GPC5: variants seen among roughly 807,000 people sequenced by gnomAD.
GPC5 encodes glypican-5.
In GPC5, 47 loss-of-function variants were observed where a neutral mutation model predicts 53.9. That is an observed-to-expected ratio of 0.87 (90% CI 0.69 to 1.11). GPC5 has a LOEUF of 1.11. Ranked by LOEUF, GPC5 falls within the 50% of genes most tolerant of loss-of-function variation. The probability of loss-of-function intolerance (pLI) is 0.00; values close to 1 mark genes in which losing one functional copy is unlikely to be tolerated. For missense variants in GPC5, 748 were observed against 713.1 expected (o/e 1.05, Z -0.56); for synonymous variants, 286 against 263.3 (o/e 1.09, Z -0.84).
chr13:91,550,225 A>C (rs1287640461), intron 2 of GPC5, among the ~76,000 whole-genome samples: 2 of 152,136 alleles, frequency 1.3e-5, no homozygotes, highest in Non-Finnish European at 2.9e-5. Context: ...GAGGGGTTGC[A>C]GGGATTTTGG....
At chr13:92,644,146 A>G (rs2096857429) in intron 7 of GPC5, among the ~76,000 whole-genome samples, 1 of 152,190 alleles carries the variant, frequency 6.6e-6, no homozygotes, top group South Asian at 2.1e-4. Context: ...AGCTTGAAGC[A>G]ATCTCATCTA....
intron 5 of GPC5, among the ~76,000 whole-genome samples, chr13:91,883,401 T>G (rs2039288233): frequency 6.6e-6 from 1 of 152,328 alleles, no homozygotes; most frequent in Non-Finnish European, 1.5e-5. Flanking sequence ...ACCTATTTTT[T>G]GACGAGAAGA....
chr13:92,149,376 G>C (rs1047555631), intron 7 of GPC5, among the ~76,000 whole-genome samples: 6 of 152,014 alleles, frequency 3.9e-5, no homozygotes, highest in African/African-American at 1.2e-4. Context: ...AGGCTTATTG[G>C]AACAGAAAGT....
intron 7 of GPC5, among the ~76,000 whole-genome samples, chr13:92,715,288 T>G (rs1459720924): frequency 6.6e-6 from 1 of 152,198 alleles, no homozygotes; most frequent in Non-Finnish European, 1.5e-5. Context: ...CTAGAAGTAC[T>G]ATTTATAGAC....
intron 7 of GPC5, among the ~76,000 whole-genome samples, chr13:92,169,010 C>T (rs1243541966): frequency 1.3e-5 from 2 of 152,094 alleles, no homozygotes; most frequent in East Asian, 3.9e-4. Flanking sequence ...TAAAAAGGAA[C>T]AAGATCATGT....
In GPC5 at chr13:92,087,430, T is replaced by C. The variant is rs1594757849; in HGVS notation, c.1402-57400T>C. Among the ~76,000 whole-genome samples the C allele has an allele frequency of 2.0e-5, 3 of 152,318 alleles. No homozygotes were observed. The South Asian group carries it at 6.2e-4, about 32-fold the overall frequency. On this transcript the variant is annotated intron_variant, in intron 6 of 7. Transcript: ENST00000377067. ...ATTTAATAAATATTTATCATCTAAG[T>C]GGATTAGTTACCCTCCATTATCTTC...
At chr13:92,408,190 C>T (rs1395601378) in intron 7 of GPC5, among the ~76,000 whole-genome samples, 2 of 152,160 alleles carry the variant, frequency 1.3e-5, no homozygotes, top group Non-Finnish European at 1.5e-5. Flanking sequence ...AGGTTGTGTG[C>T]TCCTTATAAT....
intron 6 of GPC5, among the ~76,000 whole-genome samples, chr13:92,138,513 C>G (rs574258635): frequency 6.9e-6 from 1 of 145,824 alleles, no homozygotes; most frequent in Non-Finnish European, 1.5e-5. Context: ...GAGCCAGACT[C>G]CATCTCAAAA....
At chr13:92,696,272 CA>C (rs1330814132) in intron 7 of GPC5, among the ~76,000 whole-genome samples, 1 of 151,994 alleles carries the variant, frequency 6.6e-6, no homozygotes, top group African/African-American at 2.4e-5. Flanking sequence ...GGAATCATCC[CA>C]CTGTCTTCCA....
chr13:92,076,432 G>A (rs2041252913), intron 6 of GPC5, among the ~76,000 whole-genome samples: 1 of 152,000 alleles, frequency 6.6e-6, no homozygotes, highest in African/African-American at 2.4e-5. Context: ...TTGTTGAATT[G>A]TTTTAAATTT....
chr13:92,324,655 A>ATTGT (rs1555328172), intron 7 of GPC5, among the ~76,000 whole-genome samples: 1 of 103,546 alleles, frequency 9.7e-6, no homozygotes, highest in African/African-American at 6.6e-5. Context: ...ATGGCATATC[A>ATTGT]TTGGTACAGC....
intron 7 of GPC5, among the ~76,000 whole-genome samples, chr13:92,385,612 T>TATAC: frequency 1.4e-5 from 2 of 144,084 alleles, no homozygotes; most frequent in Admixed American, 1.4e-4. Context: ...TATACACATA[T>TATAC]ACATATACAT....
intron 5 of GPC5, among the ~76,000 whole-genome samples, chr13:91,818,212 T>A (rs2038430841): frequency 6.6e-6 from 1 of 152,184 alleles, no homozygotes; most frequent in Non-Finnish European, 1.5e-5. Flanking sequence ...ACCATATTTT[T>A]TCCTCCTAAG....
intron 2 of GPC5, among the ~76,000 whole-genome samples, chr13:91,459,454 C>T: frequency 6.8e-6 from 1 of 148,068 alleles, no homozygotes; most frequent in African/African-American, 2.5e-5. Flanking sequence ...CTTAGTGGGC[C>T]CTGGACATAG....
chr13:91,773,006 A>G (rs1187257549), intron 5 of GPC5, among the ~76,000 whole-genome samples: 1 of 152,176 alleles, frequency 6.6e-6, no homozygotes, highest in Non-Finnish European at 1.5e-5. Flanking sequence ...TCATGATATG[A>G]CTAATCTTAC....
chr13:91,975,440 C>T (rs1403758261), intron 6 of GPC5, among the ~76,000 whole-genome samples: 2 of 151,982 alleles, frequency 1.3e-5, no homozygotes, highest in Non-Finnish European at 2.9e-5. Context: ...AACAAACAAC[C>T]CCATCAAAAA....
At chr13:92,445,493 G>A (rs868821571) in intron 7 of GPC5, among the ~76,000 whole-genome samples, 1,616 of 112,566 alleles carry the variant, frequency 0.014, 37 homozygotes, top group African/African-American at 0.053. Flanking sequence ...AGTCCCCAGA[G>A]TGTGATGTTC....
intron 7 of GPC5, among the ~76,000 whole-genome samples, chr13:92,337,982 T>G (rs577193719): frequency 6.6e-6 from 1 of 152,174 alleles, no homozygotes; most frequent in African/African-American, 2.4e-5. Context: ...AATTAAAAAC[T>G]TCTGCTCCGT....
Position 92,497,618 on chromosome 13 carries a change from TG to T in GPC5, c.1561+352630del, listed in dbSNP as rs575170138. Among the ~76,000 whole-genome samples, 182 of 152,238 alleles carry T rather than the reference TG, an allele frequency of 1.2e-3. 8 individuals are homozygous for T. In the South Asian group the frequency reaches 0.037, roughly 31 times the overall value. ...TTTGATTCCATAAGAAATTTAAAGT[TG>T]TTTTTTTTCTAATTCTGTGAAGAAT... On this transcript the variant is annotated intron_variant, in intron 7 of 7. Transcript: ENST00000377067.
Sources: gnomAD v4.1 joint callset for allele counts (sites outside exome capture counted in the v4.1 genomes callset) on GRCh38, gnomAD v4.1.1 for gene constraint, MANE v1.5 for transcripts, NCBI Gene and HGNC (gene_info 2026-07-23, HGNC 2026-07-21) for gene names.